The following ITK variants were observed in gnomAD, a reference collection of about 807,000 sequenced individuals.
The protein encoded by ITK is IL2 inducible T cell kinase, also known as tyrosine-protein kinase ITK/TSK.
A neutral mutation model predicts 87.6 loss-of-function variants in ITK; 45 were observed. The ratio of observed to expected loss-of-function variants is 0.51; its 90% CI spans 0.40 to 0.66. ITK has a LOEUF of 0.66. Among genes scored for constraint, ITK ranks in the 30% least tolerant of loss-of-function variants. ITK has a pLI of 0.00. For synonymous variants in ITK, 303 were observed against 273.6 expected, an observed-to-expected ratio of 1.11 and a Z score of -1.06; for missense variants, 605 against 766.3, an observed-to-expected ratio of 0.79 and a Z score of 2.48.
intron 16 of ITK, among the ~76,000 whole-genome samples, chr5:157,251,837 T>C (rs549249305): frequency 1.4e-4 from 22 of 152,348 alleles, no homozygotes; most frequent in African/African-American, 4.8e-4. Context: ...GGCTGATCCA[T>C]TAATCTGTTT....
chr5:157,207,001 T>A (rs1236411669), intron 1 of ITK, among the ~76,000 whole-genome samples: 3 of 152,146 alleles, frequency 2.0e-5, no homozygotes, highest in African/African-American at 7.2e-5. Context: ...TTTTATTATA[T>A]GTAAATTATA....
At chr5:157,233,087 G>C (rs1211670361) in intron 8 of ITK, among the ~76,000 whole-genome samples, 2 of 152,206 alleles carry the variant, frequency 1.3e-5, no homozygotes, top group Non-Finnish European at 2.9e-5. Context: ...AGATGGTATG[G>C]TGGGGCAGGT....
intron 6 of ITK, 130 bp downstream of exon 6, chr5:157,223,144 AAGGAAGAGGG>A: frequency 3.4e-6 from 4 of 1,171,266 alleles, no homozygotes; most frequent in Non-Finnish European, 5.1e-6. Flanking sequence ...GCAGAGGCAG[AAGGAAGAGGG>A]AGGAAGAGGA....
At chr5:157,221,818 T>G (rs1754422851) in intron 5 of ITK, among the ~76,000 whole-genome samples, 1 of 152,164 alleles carries the variant, frequency 6.6e-6, no homozygotes, top group African/African-American at 2.4e-5. Flanking sequence ...GCACCCCATT[T>G]ACACATCCTC....
intron 6 of ITK, among the ~76,000 whole-genome samples, chr5:157,224,067 T>A (rs1401927122): frequency 6.6e-6 from 1 of 152,148 alleles, no homozygotes; most frequent in Non-Finnish European, 1.5e-5. Flanking sequence ...GTGCATCACT[T>A]GAGGCCAGGA....
chr5:157,245,430 A>G (rs565061331), intron 13 of ITK: 3 of 495,000 alleles, frequency 6.1e-6, no homozygotes, highest in Admixed American at 3.3e-5. Flanking sequence ...AACATTTCCT[A>G]TCACATCAGG....
At chr5:157,239,071 C>T (rs1030329623) in intron 9 of ITK, among the ~76,000 whole-genome samples, 5 of 152,076 alleles carry the variant, frequency 3.3e-5, no homozygotes, top group African/African-American at 9.7e-5. Context: ...CGTGCCTCTA[C>T]CATGGCTGGG....
Position 157,244,358 on chromosome 5 carries a change from G to A in ITK, c.1329G>A (p.Leu443=), listed in dbSNP as rs1290598271. Residue 443 remains leucine (L), a synonymous_variant, in exon 13 of 17, where the codon CTG becomes CTA. Transcript: ENST00000422843. Reference sequence around the variant, plus strand: ...TTGAGTTCATGGAGCACGGCTGCCTGTCAGATTATCTACGCACCCAGCGGG... The same window carrying A: ...TTGAGTTCATGGAGCACGGCTGCCTATCAGATTATCTACGCACCCAGCGGG... ...LVFEFMEHGC[L]SDYLRTQRGL... 1 of 1,613,994 alleles carries A rather than the reference G, an allele frequency of 6.2e-7. No homozygotes were observed. Among genetic ancestry groups the A allele is most frequent in the African/African-American group, 1.3e-5 (1 of 74,908 alleles).
At chr5:157,203,928 T>C (rs115945078) in intron 1 of ITK, among the ~76,000 whole-genome samples, 167 of 152,338 alleles carry the variant, frequency 1.1e-3, no homozygotes, top group African/African-American at 3.6e-3. Flanking sequence ...TAACTTTGGC[T>C]ACCTCAGGGT....
intron 11 of ITK, 78 bp from the exon 12 acceptor site, chr5:157,243,545 G>A (rs879005166): frequency 8.3e-7 from 1 of 1,199,902 alleles, no homozygotes; most frequent in East Asian, 2.3e-5. Flanking sequence ...TCTAGTTAGG[G>A]CTTTATAGTC....
intron 11 of ITK, among the ~76,000 whole-genome samples, chr5:157,241,988 TA>T (rs1247103171): frequency 6.6e-6 from 1 of 152,230 alleles, no homozygotes; most frequent in Non-Finnish European, 1.5e-5. Context: ...ACCTACTTTG[TA>T]CAGAGCACCC....
At chr5:157,193,544 A>G (rs1365173570) in intron 1 of ITK, among the ~76,000 whole-genome samples, 3 of 152,186 alleles carry the variant, frequency 2.0e-5, no homozygotes, top group Non-Finnish European at 4.4e-5. Flanking sequence ...ATTCACAATA[A>G]CCACATTCAT....
chr5:157,180,946 C>T lies in ITK; in HGVS notation c.-32C>T, dbSNP rs148134638. 6.2e-7 allele frequency: 1 copy of T among 1,611,164 alleles called. No individual in the cohort carries two copies. Among genetic ancestry groups the T allele is most frequent in the East Asian group, 2.2e-5 (1 of 44,832 alleles). ...CCTTTGGTTGTGCTAAGAGGTGATGCCCAAGGTGCACCACCTTTCAAGAAC... is the reference window on the plus strand; with the variant it reads ...CCTTTGGTTGTGCTAAGAGGTGATGTCCAAGGTGCACCACCTTTCAAGAAC... On this transcript the variant is annotated 5_prime_UTR_variant, in exon 1 of 17. Coordinates refer to ENST00000422843, the MANE Select transcript of ITK (RefSeq NM_005546.4).
chr5:157,198,222 G>A (rs1753890137), intron 1 of ITK, among the ~76,000 whole-genome samples: 1 of 152,036 alleles, frequency 6.6e-6, no homozygotes, highest in Non-Finnish European at 1.5e-5. Flanking sequence ...AGTTTCTTAT[G>A]AGAAAACACA....
intron 5 of ITK, among the ~76,000 whole-genome samples, chr5:157,221,231 A>T (rs1754406508): frequency 6.6e-6 from 1 of 152,070 alleles, no homozygotes; most frequent in Non-Finnish European, 1.5e-5. Flanking sequence ...AATGCAACTG[A>T]TACAAAATGT....
chr5:157,229,431 C>A (rs767998459), intron 7 of ITK, among the ~76,000 whole-genome samples: 2 of 152,188 alleles, frequency 1.3e-5, no homozygotes, highest in Non-Finnish European at 2.9e-5. Flanking sequence ...GAAGGGCACA[C>A]ATCACTTCTG....
intron 3 of ITK, among the ~76,000 whole-genome samples, 155 bp from the exon 4 acceptor site, chr5:157,214,036 A>G (rs1206332874): frequency 6.6e-6 from 1 of 152,186 alleles, no homozygotes; most frequent in Non-Finnish European, 1.5e-5. Flanking sequence ...AGCACAGTGC[A>G]TTTATGCGCT....
Position 157,228,296 on chromosome 5 carries a change from G to T in ITK, c.648G>T (p.Gly216=), listed in dbSNP as rs749571172. The T allele has an allele frequency of 1.3e-6, 2 of 1,583,240 alleles. No individual in the cohort carries two copies. The highest frequency in any genetic ancestry group is 1.3e-5 in the African/African-American group (1 of 74,426). Residue 216 remains glycine, a splice_region_variant and synonymous_variant, in exon 7 of 17, where the codon GGG becomes GGT. Coordinates refer to ENST00000422843, the MANE Select transcript of ITK (RefSeq NM_005546.4). ...TAAACATTAATTTTCCTTTTAACAG[G>T]CATGAAGGATATGTACCAAGCAGTT... ...IHWWRVQDRN[G]HEGYVPSSYL... is the part of the protein sequence containing the mutation.
intron 16 of ITK, among the ~76,000 whole-genome samples, chr5:157,250,601 C>A (rs1311725150): frequency 6.6e-6 from 1 of 151,912 alleles, no homozygotes; most frequent in Non-Finnish European, 1.5e-5. Context: ...ACTGCAACCT[C>A]TGCCTCCCAG....
Sources: allele counts gnomAD v4.1 joint callset (sites outside exome capture counted in the v4.1 genomes callset), GRCh38; gene constraint gnomAD v4.1.1; transcripts MANE v1.5; gene names NCBI Gene and HGNC (gene_info 2026-07-23, HGNC 2026-07-21).